The following NUS1 variants were observed in gnomAD, a reference collection of about 807,000 sequenced individuals.
The protein encoded by NUS1 is dehydrodolichyl diphosphate synthase complex subunit NUS1.
For synonymous variants in NUS1, 135 were observed against 155.2 expected (o/e 0.87, Z 0.97); for missense variants, 292 against 382.9 (o/e 0.76, Z 1.98).
At chr6:117,704,704 C>A (rs1239600566) in intron 4 of NUS1, among the ~76,000 whole-genome samples, 1 of 152,138 alleles carries the variant, frequency 6.6e-6, no homozygotes, top group African/African-American at 2.4e-5. Context: ...TGTATAATTG[C>A]AGGCATAGCA....
chr6:117,699,653 C>T (rs541832942), intron 3 of NUS1, among the ~76,000 whole-genome samples: 26 of 152,020 alleles, frequency 1.7e-4, no homozygotes, highest in South Asian at 4.2e-4. Flanking sequence ...AAAAACAATC[C>T]GAAAATTTAT....
intron 1 of NUS1, among the ~76,000 whole-genome samples, chr6:117,690,928 C>T (rs977209283): frequency 1.6e-4 from 21 of 132,092 alleles, no homozygotes; most frequent in Non-Finnish European, 2.8e-4. Flanking sequence ...TGCAGTGAGC[C>T]GAGATCATGC....
chr6:117,707,001 C>T lies in NUS1; in HGVS notation c.868C>T (p.Arg290Cys), dbSNP rs2114696019. The part of the protein sequence containing the change: ...ALRQYAACEQ[R>C]LGK ...TCGTCAATATGCAGCCTGTGAACAG[C>T]GTCTGGGAAAGTAGTGGTCATTGGT... The change falls in exon 5 of 5, where the codon CGT (arginine) becomes TGT (cysteine). Residue 290 changes from arginine (R) to cysteine (C), a missense_variant. By Grantham distance (180) the Arg-to-Cys change is radical (BLOSUM62 -3). Coordinates refer to ENST00000368494, the MANE Select transcript of NUS1 (RefSeq NM_138459.5). 1 of 1,612,154 alleles carries T rather than the reference C, an allele frequency of 6.2e-7. No individual in the cohort carries two copies. Among genetic ancestry groups the T allele is most frequent in the Non-Finnish European group, 8.5e-7 (1 of 1,178,552 alleles).
chr6:117,706,744 C>A (rs879051895), intron 4 of NUS1, among the ~76,000 whole-genome samples, 181 bp from the exon 5 acceptor site: 1 of 152,112 alleles, frequency 6.6e-6, no homozygotes, highest in Non-Finnish European at 1.5e-5. Flanking sequence ...TCTGTCAGGG[C>A]CCCACCCTTT....
intron 1 of NUS1, among the ~76,000 whole-genome samples, chr6:117,677,566 T>C (rs1300328138): frequency 2.0e-5 from 3 of 152,162 alleles, no homozygotes; most frequent in African/African-American, 7.2e-5. Context: ...CTTTGTCAGA[T>C]TGGTAAATTT....
chr6:117,686,092 T>G lies in NUS1; in HGVS notation c.416-6950T>G, dbSNP rs901461883. 2.6e-5 allele frequency among the ~76,000 whole-genome samples: 4 copies of G among 151,864 alleles called. No homozygotes were observed. In the East Asian group the frequency reaches 7.8e-4, roughly 30 times the overall value. ...CTGGCTAACACGGTGAAACCCCGTC[T>G]CTACTAAAAATACAAAAAATTAGCC... On this transcript the variant is annotated intron_variant, in intron 1 of 4. Transcript: ENST00000368494.
chr6:117,688,402 G>C (rs1453500494), intron 1 of NUS1, among the ~76,000 whole-genome samples: 1 of 152,062 alleles, frequency 6.6e-6, no homozygotes, highest in African/African-American at 2.4e-5. Flanking sequence ...TGGGTGACTG[G>C]GCAGATACTG....
At chr6:117,701,782 A>G (rs889588160) in intron 3 of NUS1, among the ~76,000 whole-genome samples, 1 of 152,234 alleles carries the variant, frequency 6.6e-6, no homozygotes, top group African/African-American at 2.4e-5. Context: ...GTAGAGACTT[A>G]GGATTTTCTA....
chr6:117,680,725 C>T (rs1773048749), intron 1 of NUS1, among the ~76,000 whole-genome samples: 1 of 152,250 alleles, frequency 6.6e-6, no homozygotes, highest in Admixed American at 6.5e-5. Flanking sequence ...TTTCATGTTC[C>T]TTTTCATGAT....
chr6:117,681,463 A>G (rs924906556), intron 1 of NUS1, among the ~76,000 whole-genome samples: 3 of 152,202 alleles, frequency 2.0e-5, no homozygotes, highest in Non-Finnish European at 4.4e-5. Context: ...CTGCTTCCCA[A>G]CACAATACCC....
chr6:117,689,508 T>TGGA (rs1773184782), intron 1 of NUS1, among the ~76,000 whole-genome samples: 1 of 152,166 alleles, frequency 6.6e-6, no homozygotes, highest in African/African-American at 2.4e-5. Context: ...TAAACTTGTA[T>TGGA]GTTCTGGCTG....
At chr6:117,681,055 C>A (rs1045978628) in intron 1 of NUS1, among the ~76,000 whole-genome samples, 9 of 152,058 alleles carry the variant, frequency 5.9e-5, no homozygotes. Flanking sequence ...CCTGGAACTC[C>A]CTCTTCTCCT....
chr6:117,676,186 C>A, intron 1 of NUS1, 101 bp downstream of exon 1: 4 of 1,518,598 alleles, frequency 2.6e-6, no homozygotes, highest in Non-Finnish European at 3.5e-6. Context: ...CGCGGCCTCT[C>A]TGCAAATCAC....
At chr6:117,699,199 A>G (rs1773364275) in intron 3 of NUS1, among the ~76,000 whole-genome samples, 1 of 152,168 alleles carries the variant, frequency 6.6e-6, no homozygotes, top group Non-Finnish European at 1.5e-5. Context: ...TTGGAAAGGA[A>G]GAAGTCCTTC....
intron 1 of NUS1, among the ~76,000 whole-genome samples, chr6:117,689,170 G>T (rs1773180989): frequency 6.6e-6 from 1 of 152,190 alleles, no homozygotes; most frequent in Non-Finnish European, 1.5e-5. Context: ...AAGCATGGTG[G>T]TCATTAATGG....
chr6:117,680,321 G>T (rs1182028385), intron 1 of NUS1, among the ~76,000 whole-genome samples: 1 of 152,196 alleles, frequency 6.6e-6, no homozygotes. Context: ...CCAGGGGTTG[G>T]GGTAAATGGA....
intron 1 of NUS1, among the ~76,000 whole-genome samples, chr6:117,691,564 T>TATATATAG (rs1554201827): frequency 6.5e-5 from 2 of 30,800 alleles, no homozygotes; most frequent in African/African-American, 1.4e-4. Context: ...TATAGATATA[T>TATATATAG]ATATATATAT....
At chr6:117,681,412 G>T (rs1045838273) in intron 1 of NUS1, among the ~76,000 whole-genome samples, 1 of 152,254 alleles carries the variant, frequency 6.6e-6, no homozygotes, top group East Asian at 1.9e-4. Context: ...AAGAAGGGCC[G>T]CATTTCCTGT....
intron 1 of NUS1, among the ~76,000 whole-genome samples, chr6:117,690,569 ACTC>A (rs1773200920): frequency 6.6e-6 from 1 of 151,800 alleles, no homozygotes; most frequent in Admixed American, 6.6e-5. Context: ...CCTCTTTTGA[ACTC>A]CTTCTGTGTC....
Sources: gnomAD v4.1 joint callset for allele counts (sites outside exome capture counted in the v4.1 genomes callset) on GRCh38, gnomAD v4.1.1 for gene constraint, MANE v1.5 for transcripts, NCBI Gene and HGNC (gene_info 2026-07-23, HGNC 2026-07-21) for gene names.